CSMD1: variants seen among roughly 807,000 people sequenced by gnomAD.
CSMD1 encodes the protein CUB and sushi domain-containing protein 1.
Under a neutral mutation model 417.5 loss-of-function variants are expected in CSMD1, and 213 were observed. The observed-to-expected ratio is 0.51, with a 90% CI of 0.46 to 0.57. The LOEUF (loss-of-function observed/expected upper bound fraction) is 0.57, where lower values mean the gene tolerates loss of function less well. Ranked by LOEUF, CSMD1 falls within the 20% of genes least tolerant of loss-of-function variation. The probability of loss-of-function intolerance (pLI) is 0.00; values close to 1 mark genes in which losing one functional copy is unlikely to be tolerated. For missense variants in CSMD1, 6,923 were observed against 4,529.7 expected, an observed-to-expected ratio of 1.53 and a Z score of -15.17; for synonymous variants, 2,862 against 1,736.8, an observed-to-expected ratio of 1.65 and a Z score of -16.11.
At chr8:4,403,633 TAGTC>T (rs1184295099) in intron 3 of CSMD1, among the ~76,000 whole-genome samples, 4 of 152,174 alleles carry the variant, frequency 2.6e-5, no homozygotes, top group African/African-American at 9.7e-5. Context: ...CTGGTCTACT[TAGTC>T]GGTGTTTATT....
chr8:4,991,170 G>A (rs75815809), intron 1 of CSMD1, among the ~76,000 whole-genome samples: 2,767 of 152,186 alleles, frequency 0.018, 73 homozygotes, highest in African/African-American at 0.062. Context: ...CCGGGTAAAG[G>A]GGCAGATACG....
intron 4 of CSMD1, among the ~76,000 whole-genome samples, chr8:4,001,055 A>T (rs200298826): frequency 2.6e-5 from 2 of 78,254 alleles, no homozygotes; most frequent in Admixed American, 1.4e-4. Context: ...AAATAAAAAA[A>T]GGAAAAAAAA....
At chr8:3,724,783 A>G (rs937626301) in intron 6 of CSMD1, among the ~76,000 whole-genome samples, 1 of 152,202 alleles carries the variant, frequency 6.6e-6, no homozygotes, top group Admixed American at 6.5e-5. Flanking sequence ...CCATAAGAAT[A>G]CCAGCAGTAC....
intron 2 of CSMD1, among the ~76,000 whole-genome samples, chr8:4,547,478 G>T (rs1379428850): frequency 2.0e-5 from 3 of 152,120 alleles, no homozygotes; most frequent in African/African-American, 4.8e-5. Flanking sequence ...ATATGCAGCA[G>T]CCCACATTTC....
chr8:4,614,359 C>T (rs2130798679), intron 2 of CSMD1, among the ~76,000 whole-genome samples: 1 of 152,238 alleles, frequency 6.6e-6, no homozygotes, highest in East Asian at 1.9e-4. Context: ...ACCTCCATGG[C>T]TTGTCTAGTG....
chr8:3,776,880 T>C (rs543574498), intron 5 of CSMD1, among the ~76,000 whole-genome samples: 24 of 149,614 alleles, frequency 1.6e-4, no homozygotes, highest in South Asian at 4.2e-4. Flanking sequence ...CTGATAGATA[T>C]AACTTTGTAT....
chr8:3,483,877 TAAAG>T (rs1817880205), intron 11 of CSMD1, among the ~76,000 whole-genome samples: 1 of 152,162 alleles, frequency 6.6e-6, no homozygotes, highest in African/African-American at 2.4e-5. Context: ...TAGAAGAGGC[TAAAG>T]AAAGAACATG....
intron 30 of CSMD1, 49 bp downstream of exon 30, chr8:3,214,448 A>G (rs1563149801): frequency 7.0e-7 from 1 of 1,428,802 alleles, no homozygotes; most frequent in East Asian, 2.5e-5. Context: ...GAGATGCTGC[A>G]TTTTAAAGGA....
intron 3 of CSMD1, among the ~76,000 whole-genome samples, chr8:4,403,311 A>C (rs1349931355): frequency 6.6e-6 from 1 of 152,148 alleles, no homozygotes; most frequent in East Asian, 1.9e-4. Flanking sequence ...TTCTACAACT[A>C]TTCCATTTCC....
chr8:4,237,741 G>A (rs1450562992), intron 3 of CSMD1, among the ~76,000 whole-genome samples: 3 of 152,052 alleles, frequency 2.0e-5, no homozygotes, highest in African/African-American at 7.2e-5. Context: ...TCAAATTCTT[G>A]GGCTCAAGTG....
intron 5 of CSMD1, among the ~76,000 whole-genome samples, chr8:3,765,060 C>G (rs1226090030): frequency 6.6e-6 from 1 of 152,056 alleles, no homozygotes; most frequent in Non-Finnish European, 1.5e-5. Flanking sequence ...GCCCTTTTTT[C>G]TAAAAATATT....
intron 3 of CSMD1, among the ~76,000 whole-genome samples, chr8:4,107,220 G>C (rs190831944): frequency 6.6e-6 from 1 of 152,244 alleles, no homozygotes; most frequent in Non-Finnish European, 1.5e-5. Context: ...TACAGAGCTA[G>C]AAGTAGCTGG....
At chr8:3,418,925 T>C (rs1204008208) in intron 12 of CSMD1, among the ~76,000 whole-genome samples, 1 of 152,214 alleles carries the variant, frequency 6.6e-6, no homozygotes, top group African/African-American at 2.4e-5. Context: ...TCAGAATACA[T>C]GAAAGGTATG....
At chr8:4,115,296 G>C (rs999659185) in intron 3 of CSMD1, among the ~76,000 whole-genome samples, 1 of 152,014 alleles carries the variant, frequency 6.6e-6, no homozygotes, top group Non-Finnish European at 1.5e-5. Context: ...TAGCATTTTT[G>C]GCAACAAAAT....
At chr8:3,814,612 C>T (rs955387305) in intron 5 of CSMD1, among the ~76,000 whole-genome samples, 1 of 152,168 alleles carries the variant, frequency 6.6e-6, no homozygotes, top group Non-Finnish European at 1.5e-5. Flanking sequence ...GGACATCCCA[C>T]AGCACACAGA....
At chr8:4,800,623 C>T (rs1798230526) in intron 1 of CSMD1, among the ~76,000 whole-genome samples, 1 of 152,174 alleles carries the variant, frequency 6.6e-6, no homozygotes, top group African/African-American at 2.4e-5. Context: ...GAGTCACAGA[C>T]CCATCTTTGG....
chr8:4,122,761 G>C (rs1259540184), intron 3 of CSMD1, among the ~76,000 whole-genome samples: 1 of 152,080 alleles, frequency 6.6e-6, no homozygotes, highest in African/African-American at 2.4e-5. Flanking sequence ...GAAGATTTCT[G>C]GCTCTTATCA....
At chr8:4,181,963 T>TGTGC (rs1554484248) in intron 3 of CSMD1, among the ~76,000 whole-genome samples, 1 of 151,104 alleles carries the variant, frequency 6.6e-6, no homozygotes. Context: ...TCTGCGTGTG[T>TGTGC]GTGTGTGTGT....
intron 1 of CSMD1, among the ~76,000 whole-genome samples, chr8:4,970,201 G>C (rs921025385): frequency 2.0e-5 from 3 of 151,812 alleles, no homozygotes; most frequent in African/African-American, 7.3e-5. Flanking sequence ...CTTCAGACTC[G>C]AATCTTGTTT....
Sources: allele counts gnomAD v4.1 joint callset (sites outside exome capture counted in the v4.1 genomes callset), GRCh38; gene constraint gnomAD v4.1.1; transcripts MANE v1.5; gene names NCBI Gene and HGNC (gene_info 2026-07-23, HGNC 2026-07-21).